SEC24A: variants seen among roughly 807,000 people sequenced by gnomAD.
SEC24A encodes the protein SEC24 homolog A, COPII component.
SEC24A carries 93 observed loss-of-function variants against 129.4 expected under a neutral mutation model. The observed-to-expected ratio is 0.72, with a 90% CI of 0.61 to 0.85. The LOEUF is 0.85. Ranked by LOEUF, SEC24A falls within the 40% of genes least tolerant of loss-of-function variation. The probability of loss-of-function intolerance (pLI) is 0.00; values close to 1 mark genes in which losing one functional copy is unlikely to be tolerated. For missense variants in SEC24A, 1,264 were observed against 1,307.4 expected (o/e 0.97, Z 0.51); for synonymous variants, 460 against 467.3 (o/e 0.98, Z 0.20).
chr5:134,719,689 A>G (rs1252654888), intron 20 of SEC24A, among the ~76,000 whole-genome samples: 2 of 151,956 alleles, frequency 1.3e-5, no homozygotes, highest in African/African-American at 4.8e-5. Flanking sequence ...CCCTGTCTCA[A>G]AAACAAAATT....
At chr5:134,656,428 C>T (rs117432181) in intron 1 of SEC24A, among the ~76,000 whole-genome samples, 2 of 151,876 alleles carry the variant, frequency 1.3e-5, no homozygotes, top group Non-Finnish European at 2.9e-5. Context: ...CTTGGTGGCA[C>T]CTGAAAATTA....
chr5:134,704,492 G>T (rs572665088), intron 16 of SEC24A, among the ~76,000 whole-genome samples: 31 of 152,234 alleles, frequency 2.0e-4, no homozygotes, highest in African/African-American at 7.0e-4. Context: ...TGAATGAAAA[G>T]AATTTTATAG....
chr5:134,656,386 T>C (rs1750244293), intron 1 of SEC24A, among the ~76,000 whole-genome samples: 1 of 151,944 alleles, frequency 6.6e-6, no homozygotes, highest in Admixed American at 6.6e-5. Context: ...CGCAGATAAA[T>C]ATCTTTATAC....
intron 13 of SEC24A, among the ~76,000 whole-genome samples, chr5:134,694,722 G>A (rs866062043): frequency 6.6e-6 from 1 of 151,784 alleles, no homozygotes; most frequent in Non-Finnish European, 1.5e-5. Context: ...AGGAGGCTGA[G>A]GCAGGAGAAT....
chr5:134,700,805 G>A lies in SEC24A; in HGVS notation c.2266+2748G>A, dbSNP rs1209588079. Among the ~76,000 whole-genome samples, 8 of 151,116 alleles carry A rather than the reference G, an allele frequency of 5.3e-5. No individual in the cohort carries two copies. The East Asian group carries it at 7.8e-4, about 15-fold the overall frequency. On this transcript the variant is annotated intron_variant, in intron 15 of 22. Coordinates refer to ENST00000398844, the MANE Select transcript of SEC24A (RefSeq NM_021982.3). ...ACGATCTCCGCTCACTGCAAGCTCC[G>A]CCTCCTGGGTTCACGCCATTCTCCT...
At position 134,661,477 on chromosome 5, in the gene SEC24A, T is replaced by C; in HGVS notation, c.456T>C (p.Cys152=). 1 of 1,614,186 alleles carries C rather than the reference T, an allele frequency of 6.2e-7. No homozygotes were observed. Among genetic ancestry groups the C allele is most frequent in the Non-Finnish European group, 8.5e-7 (1 of 1,180,026 alleles). The change falls in exon 2 of 23, where the codon TGT becomes TGC. Residue 152 remains cysteine, a synonymous_variant. Coordinates refer to ENST00000398844, the MANE Select transcript of SEC24A (RefSeq NM_021982.3). ...YPSTASQTNH[C]PRASSQPTVS... ...CCACAGCCTCACAAACAAACCATTG[T>C]CCTCGTGCATCATCCCAACCAACTG...
At chr5:134,683,044 A>G (rs2150088747) in intron 9 of SEC24A, among the ~76,000 whole-genome samples, 1 of 150,976 alleles carries the variant, frequency 6.6e-6, no homozygotes, top group South Asian at 2.1e-4. Flanking sequence ...TTTTTTTGAG[A>G]CGGAGTCTCA....
chr5:134,689,358 G>A (rs961212610), intron 11 of SEC24A, among the ~76,000 whole-genome samples: 3 of 152,178 alleles, frequency 2.0e-5, no homozygotes, highest in Non-Finnish European at 2.9e-5. Context: ...AGACTCAAGC[G>A]GATGCTTGTA....
chr5:134,692,270 C>CTCCTGAGTT (rs889904060), intron 11 of SEC24A, among the ~76,000 whole-genome samples: 1 of 152,036 alleles, frequency 6.6e-6, no homozygotes, highest in Non-Finnish European at 1.5e-5. Flanking sequence ...TGGTCTCAAA[C>CTCCTGAGTT]TCCTGAGTTC....
Position 134,703,884 on chromosome 5 carries a change from A to T in SEC24A, c.2392A>T (p.Thr798Ser). 1 of 1,609,948 alleles carries T rather than the reference A, an allele frequency of 6.2e-7. No homozygotes were observed. Among genetic ancestry groups the T allele is most frequent in the Admixed American group, 1.7e-5 (1 of 59,930 alleles). ...QMSVEESLTD[T>S]QLVSFQSALL... is the part of the protein sequence containing the mutation. ...GTCAGTGGAAGAGAGTCTTACTGACACTCAGTTGGTTTCTTTTCAGTCAGC... is the reference window on the plus strand; with the variant it reads ...GTCAGTGGAAGAGAGTCTTACTGACTCTCAGTTGGTTTCTTTTCAGTCAGC... The change falls in exon 16 of 23, where the codon ACT (threonine) becomes TCT (serine). Residue 798 changes from threonine to serine, a missense_variant. Physicochemically the swap from Thr to Ser is moderately conservative, Grantham distance 58. Coordinates refer to ENST00000398844, the MANE Select transcript of SEC24A (RefSeq NM_021982.3).
rs775176585 is a variant in SEC24A at position 134,697,233 on chromosome 5, T to C, written c.2094T>C (p.Asp698=). The part of the protein sequence containing the change: ...DLFLLSGQYS[D]LASLGCISRY... ...TCCTTCTCAGTGGACAGTATTCTGA[T>C]TTGGCTTCTCTGGGTAAGTTCTTCG... Residue 698 remains aspartate, a synonymous_variant, in exon 14 of 23, where the codon GAT becomes GAC. Transcript: ENST00000398844. The C allele has an allele frequency of 5.6e-6, 9 of 1,598,154 alleles. No individual in the cohort carries two copies. Among genetic ancestry groups the C allele is most frequent in the Non-Finnish European group, 7.7e-6 (9 of 1,168,538 alleles).
intron 1 of SEC24A, among the ~76,000 whole-genome samples, chr5:134,656,494 T>C (rs1179158551): frequency 6.6e-6 from 1 of 151,836 alleles, no homozygotes; most frequent in Non-Finnish European, 1.5e-5. Context: ...CCACCTTTGT[T>C]TTTTTGAGAC....
rs201968341 is a variant in SEC24A at position 134,700,133 on chromosome 5, G to A, written c.2266+2076G>A. 2.0e-5 allele frequency among the ~76,000 whole-genome samples: 3 copies of A among 151,954 alleles called. No individual in the cohort carries two copies. The East Asian group carries it at 5.8e-4, about 29-fold the overall frequency. On this transcript the variant is annotated intron_variant, in intron 15 of 22. Coordinates refer to ENST00000398844, the MANE Select transcript of SEC24A (RefSeq NM_021982.3). Reference sequence around the variant, plus strand: ...TTAAATAAATATTATTGCTCTGTAAGGGGGTGTGGAGCACAGATTGAGTTT... The same window carrying A: ...TTAAATAAATATTATTGCTCTGTAAAGGGGTGTGGAGCACAGATTGAGTTT...
intron 9 of SEC24A, among the ~76,000 whole-genome samples, chr5:134,683,640 A>G (rs1751349905): frequency 6.6e-6 from 1 of 152,210 alleles, no homozygotes; most frequent in Non-Finnish European, 1.5e-5. Flanking sequence ...CAGCCTCCCA[A>G]GTAGCTGGGA....
chr5:134,724,238 G>C (rs764343768), intron 22 of SEC24A, among the ~76,000 whole-genome samples: 3 of 152,244 alleles, frequency 2.0e-5, no homozygotes, highest in East Asian at 1.9e-4. Flanking sequence ...TTGTCTCTCT[G>C]TGCCTGGTTT....
At chr5:134,692,822 T>C in intron 12 of SEC24A, 165 bp downstream of exon 12, 1 of 704,524 alleles carries the variant, frequency 1.4e-6, no homozygotes, top group East Asian at 2.7e-5. Flanking sequence ...AGTTCAACCT[T>C]GAGCTGATCA....
intron 17 of SEC24A, among the ~76,000 whole-genome samples, chr5:134,707,226 A>G (rs1752191658): frequency 6.6e-6 from 1 of 152,184 alleles, no homozygotes; most frequent in Admixed American, 6.6e-5. Flanking sequence ...AAAATGTTTT[A>G]CGTGGAGCCT....
intron 7 of SEC24A, among the ~76,000 whole-genome samples, chr5:134,679,200 A>C (rs1242082958): frequency 4.6e-5 from 7 of 151,750 alleles, no homozygotes. Flanking sequence ...CTCCCACTTC[A>C]ACCCAGCTCA....
intron 9 of SEC24A, among the ~76,000 whole-genome samples, chr5:134,684,918 G>T (rs1015841003): frequency 6.6e-6 from 1 of 152,076 alleles, no homozygotes; most frequent in Non-Finnish European, 1.5e-5. Flanking sequence ...TATAGCAGAA[G>T]GTGTTTGCTC....
Sources: allele counts gnomAD v4.1 joint callset (sites outside exome capture counted in the v4.1 genomes callset), GRCh38; gene constraint gnomAD v4.1.1; transcripts MANE v1.5; gene names NCBI Gene and HGNC (gene_info 2026-07-23, HGNC 2026-07-21).